GTF2IRD1: variants seen among roughly 807,000 people sequenced by gnomAD.
The protein encoded by GTF2IRD1 is general transcription factor II-I repeat domain-containing protein 1.
GTF2IRD1 carries 26 observed loss-of-function variants against 113.2 expected under a neutral mutation model. That is an observed-to-expected ratio of 0.23 (90% CI 0.17 to 0.32). The LOEUF is 0.32. Ranked by LOEUF, GTF2IRD1 falls within the 10% of genes least tolerant of loss-of-function variation. The pLI, the probability that GTF2IRD1 is intolerant of heterozygous loss-of-function variation, is 1.00. For missense variants in GTF2IRD1, 864 were observed against 1,280.8 expected (o/e 0.67, Z 4.97); for synonymous variants, 484 against 529.1 (o/e 0.91, Z 1.17).
chr7:74,464,757 T>G (rs1223243592), intron 1 of GTF2IRD1, among the ~76,000 whole-genome samples: 1 of 152,094 alleles, frequency 6.6e-6, no homozygotes, highest in Non-Finnish European at 1.5e-5. Flanking sequence ...CCCAGCTGGT[T>G]TTTACTTTGT....
chr7:74,580,571 C>CT (rs879989543), intron 22 of GTF2IRD1, among the ~76,000 whole-genome samples: 36 of 149,776 alleles, frequency 2.4e-4, no homozygotes, highest in African/African-American at 6.6e-4. Context: ...GCTTGGTTGT[C>CT]TTTTTTTTTT....
chr7:74,574,455 A>ATT (rs369245593), intron 22 of GTF2IRD1, among the ~76,000 whole-genome samples: 15 of 128,200 alleles, frequency 1.2e-4, no homozygotes, highest in African/African-American at 2.6e-4. Context: ...AGATACTGGA[A>ATT]TTTTTTTTTT....
Position 74,454,536 on chromosome 7 carries a change from C to T in GTF2IRD1, c.-7+360C>T, listed in dbSNP as rs1792833543. Among the ~76,000 whole-genome samples, 6 of 152,100 alleles carry T rather than the reference C, an allele frequency of 3.9e-5. No individual in the cohort carries two copies. In the South Asian group the frequency reaches 1.2e-3, roughly 32 times the overall value. On this transcript the variant is annotated intron_variant, in intron 1 of 26. Transcript: ENST00000424337. ...AGGTCAGTCGCGCTGCCCGCGGTGGCGGGCGCCGGGGTGGGAGCAGAGGGG... is the reference window on the plus strand; with the variant it reads ...AGGTCAGTCGCGCTGCCCGCGGTGGTGGGCGCCGGGGTGGGAGCAGAGGGG...
chr7:74,522,946 CAG>C (rs1554346330), intron 7 of GTF2IRD1, among the ~76,000 whole-genome samples: 4 of 152,256 alleles, frequency 2.6e-5, no homozygotes, highest in Admixed American at 6.5e-5. Context: ...TCAATCAAGA[CAG>C]AGGTTTTGAG....
intron 1 of GTF2IRD1, among the ~76,000 whole-genome samples, chr7:74,484,384 T>G (rs1554335192): frequency 2.0e-5 from 3 of 151,754 alleles, no homozygotes; most frequent in Non-Finnish European, 4.4e-5. Context: ...CAGGCTCAAG[T>G]GATCCTCCTG....
intron 1 of GTF2IRD1, among the ~76,000 whole-genome samples, chr7:74,482,000 G>T (rs548440441): frequency 1.3e-5 from 2 of 152,232 alleles, no homozygotes; most frequent in South Asian, 4.2e-4. Context: ...CAGGTGTGGG[G>T]TTTTGTCTCC....
chr7:74,576,617 C>CTTTTT lies in GTF2IRD1; in HGVS notation c.2321-13206_2321-13202dup, dbSNP rs1165378230. Among the ~76,000 whole-genome samples the CTTTTT allele has an allele frequency of 7.9e-3, 391 of 49,372 alleles. 30 individuals are homozygous for CTTTTT. Among genetic ancestry groups the CTTTTT allele is most frequent in the Non-Finnish European group, 1.0e-2 (288 of 28,924 alleles). The allele number at this position is 49,372 out of a possible 152,430, so 32.4% of individuals were successfully genotyped here. On this transcript the variant is annotated intron_variant, in intron 22 of 26. Coordinates refer to ENST00000424337, the MANE Select transcript of GTF2IRD1 (RefSeq NM_005685.4). ...TCTAGGGGAAAATCTATTTCCTTGT[C>CTTTTT]TTTTTTTTTTTTTTTTTTTTTTTTT...
chr7:74,587,409 A>G (rs1801775269), intron 22 of GTF2IRD1, among the ~76,000 whole-genome samples: 1 of 151,468 alleles, frequency 6.6e-6, no homozygotes, highest in Non-Finnish European at 1.5e-5. Context: ...GTGCCACTGC[A>G]CTCCAGCCTG....
chr7:74,557,160 C>T (rs1255273892), intron 19 of GTF2IRD1, among the ~76,000 whole-genome samples: 3 of 152,166 alleles, frequency 2.0e-5, no homozygotes, highest in Non-Finnish European at 4.4e-5. Flanking sequence ...GCAGGAGAAT[C>T]GCCTGAGCCT....
intron 22 of GTF2IRD1, among the ~76,000 whole-genome samples, chr7:74,585,293 A>G (rs1801657677): frequency 6.6e-6 from 1 of 151,284 alleles, no homozygotes; most frequent in Non-Finnish European, 1.5e-5. Context: ...TTGTATTTTT[A>G]GTAGAGACGG....
chr7:74,507,583 A>T (rs1796368427), intron 1 of GTF2IRD1: 1 of 156,226 alleles, frequency 6.4e-6, no homozygotes, highest in South Asian at 2.0e-4. Flanking sequence ...CAGACTAGGG[A>T]AGCATGAACA....
intron 1 of GTF2IRD1, among the ~76,000 whole-genome samples, chr7:74,495,929 C>T (rs552897615): frequency 6.4e-4 from 98 of 152,280 alleles, no homozygotes; most frequent in African/African-American, 2.1e-3. Flanking sequence ...TGTCCCAGCA[C>T]GACTGTGGCT....
At chr7:74,573,974 T>A (rs587752692) in intron 22 of GTF2IRD1, among the ~76,000 whole-genome samples, 3 of 152,188 alleles carry the variant, frequency 2.0e-5, no homozygotes, top group African/African-American at 7.2e-5. Context: ...TTATTCTTTT[T>A]GTTTGTTTCT....
chr7:74,513,510 G>A (rs1273202676), intron 3 of GTF2IRD1, among the ~76,000 whole-genome samples: 1 of 152,122 alleles, frequency 6.6e-6, no homozygotes, highest in Non-Finnish European at 1.5e-5. Flanking sequence ...TCACCTTGTT[G>A]GCCAGGCTGG....
chr7:74,507,974 T>C, intron 1 of GTF2IRD1, 101 bp from the exon 2 acceptor site: 3 of 1,338,054 alleles, frequency 2.2e-6, no homozygotes, highest in Non-Finnish European at 3.0e-6. Flanking sequence ...ACAGAGGCGG[T>C]CTTGGGAGTC....
chr7:74,512,933 C>T lies in GTF2IRD1; in HGVS notation c.227C>T (p.Ala76Val). 6.2e-7 allele frequency: 1 copy of T among 1,614,068 alleles called. No homozygotes were observed. The highest frequency in any genetic ancestry group is 8.5e-7 in the Non-Finnish European group (1 of 1,179,956). Residue 76 changes from alanine (A) to valine (V), a missense_variant, in exon 3 of 27, where the codon GCC becomes GTC. Around this residue, in one of 7 missense-constraint regions of GTF2IRD1, gnomAD observed 182 missense variants for 266.6 expected, o/e 0.68. Coordinates refer to ENST00000424337, the MANE Select transcript of GTF2IRD1 (RefSeq NM_005685.4). This position sits in a 1 kb window ranked among gnomAD's most constrained non-coding sequence, Gnocchi z 4.4. ...GTEKGRMFLN[A>V]RKELQSDFLR... is the part of the protein sequence containing the mutation. ...GAGAAGGGGAGAATGTTCCTGAATG[C>T]CCGGAAGGAGCTACAGTCAGACTTC... is the stretch of plus-strand genomic sequence containing the variant.
chr7:74,558,113 A>G (rs1562868605), intron 20 of GTF2IRD1, among the ~76,000 whole-genome samples: 2 of 151,824 alleles, frequency 1.3e-5, no homozygotes, highest in Non-Finnish European at 2.9e-5. Context: ...ATCTCTACCA[A>G]AAACACAAAA....
intron 13 of GTF2IRD1, 107 bp downstream of exon 13, chr7:74,538,867 C>T: frequency 3.0e-6 from 2 of 672,042 alleles, no homozygotes; most frequent in Non-Finnish European, 5.3e-6. Flanking sequence ...CTGTTTCTCT[C>T]TGTGGATTCT....
Position 74,519,535 on chromosome 7 carries a change from G to T in GTF2IRD1, c.732G>T (p.Leu244=), listed in dbSNP as rs782124050. The T allele has an allele frequency of 8.7e-6, 14 of 1,611,688 alleles. No homozygotes were observed. The highest frequency in any genetic ancestry group is 1.1e-5 in the Non-Finnish European group (13 of 1,179,254). Residue 244 remains leucine (L), a synonymous_variant, in exon 6 of 27, where the codon CTG becomes CTT. Coordinates refer to ENST00000424337, the MANE Select transcript of GTF2IRD1 (RefSeq NM_005685.4). The part of the protein sequence containing the change: ...GQAPKVPPQD[L]PPTATSSSMA... ...CCCCCAAGGTGCCACCCCAGGACCT[G>T]CCCCCAACCGCCACCTCCTCCTCCA...
Sources: allele counts gnomAD v4.1 joint callset (sites outside exome capture counted in the v4.1 genomes callset), GRCh38; gene constraint gnomAD v4.1.1; regional missense constraint gnomAD v4.1.1; non-coding constraint Gnocchi (gnomAD v3.1); transcripts MANE v1.5; gene names NCBI Gene and HGNC (gene_info 2026-07-23, HGNC 2026-07-21).